GRIK2: variants seen among roughly 807,000 people sequenced by gnomAD.
The protein encoded by GRIK2 is glutamate receptor ionotropic, kainate 2.
Under a neutral mutation model 100.3 loss-of-function variants are expected in GRIK2, and 32 were observed. The ratio of observed to expected loss-of-function variants is 0.32; its 90% CI spans 0.24 to 0.43. The LOEUF (loss-of-function observed/expected upper bound fraction) is 0.43, where lower values mean the gene tolerates loss of function less well. GRIK2 is among the 20% of genes least tolerant of loss of function. The pLI, the probability that GRIK2 is intolerant of heterozygous loss-of-function variation, is 1.00. For synonymous variants in GRIK2, 417 were observed against 389.4 expected (o/e 1.07, Z -0.83); for missense variants, 843 against 1,114.9 (o/e 0.76, Z 3.47).
At position 101,981,974 on chromosome 6, in the gene GRIK2, T is replaced by C. The variant is rs572732637; in HGVS notation, c.2085+53342T>C. 5.9e-5 allele frequency among the ~76,000 whole-genome samples: 9 copies of C among 151,922 alleles called. No individual in the cohort carries two copies. In the South Asian group the frequency reaches 8.3e-4, roughly 14 times the overall value. ...TTAGATGGATGCATAGCTGGTTAGATAGATGGGAGGAAAAATATAGAAAAT... is the reference window on the plus strand; with the variant it reads ...TTAGATGGATGCATAGCTGGTTAGACAGATGGGAGGAAAAATATAGAAAAT... On this transcript the variant is annotated intron_variant, in intron 14 of 16. Transcript: ENST00000369134.
intron 10 of GRIK2, among the ~76,000 whole-genome samples, chr6:101,834,573 A>G (rs139354213): frequency 1.1e-4 from 16 of 152,304 alleles, no homozygotes; most frequent in African/African-American, 3.8e-4. Context: ...ATCAAGCAGA[A>G]CACTCATCGC....
chr6:101,421,660 GT>G (rs35390245), intron 2 of GRIK2, among the ~76,000 whole-genome samples: 5,777 of 151,862 alleles, frequency 0.038, 147 homozygotes, highest in Non-Finnish European at 0.058. Context: ...AAGGAAAGCT[GT>G]TTTTTTTCTC....
chr6:101,835,763 C>G (rs952864078), intron 10 of GRIK2, among the ~76,000 whole-genome samples: 1 of 147,076 alleles, frequency 6.8e-6, no homozygotes, highest in African/African-American at 2.5e-5. Flanking sequence ...TGGCGCCCAG[C>G]CTATGAGTTT....
At chr6:101,732,109 C>A (rs79381768) in intron 7 of GRIK2, among the ~76,000 whole-genome samples, 2,815 of 151,984 alleles carry the variant, frequency 0.019, 80 homozygotes, top group African/African-American at 0.063. Flanking sequence ...CACACACACA[C>A]ACACCTTTTT....
chr6:102,063,452 C>A (rs1182283443), intron 16 of GRIK2, among the ~76,000 whole-genome samples: 1 of 150,516 alleles, frequency 6.6e-6, no homozygotes, highest in East Asian at 1.9e-4. Context: ...GGTTATTTTT[C>A]TTCAGATACT....
intron 4 of GRIK2, among the ~76,000 whole-genome samples, chr6:101,649,676 T>C (rs553378207): frequency 9.2e-5 from 14 of 152,212 alleles, no homozygotes; most frequent in African/African-American, 1.9e-4. Flanking sequence ...CTTGGAGATT[T>C]AAGATTATAG....
At chr6:102,008,852 A>G (rs925385608) in intron 14 of GRIK2, among the ~76,000 whole-genome samples, 3 of 152,092 alleles carry the variant, frequency 2.0e-5, no homozygotes, top group African/African-American at 7.2e-5. Flanking sequence ...TCTCAAGGAA[A>G]AAACTTCAAA....
intron 16 of GRIK2, chr6:102,064,197 GCAAGA>G (rs1485337741): frequency 1.2e-5 from 6 of 480,890 alleles, no homozygotes; most frequent in Admixed American, 8.6e-5. Flanking sequence ...GATTTTAAAA[GCAAGA>G]TAGTTGTCTT....
chr6:101,602,346 A>G (rs894547016), intron 2 of GRIK2, among the ~76,000 whole-genome samples: 40 of 151,408 alleles, frequency 2.6e-4, no homozygotes, highest in African/African-American at 9.7e-4. Context: ...TTTGTGACCA[A>G]GCATGTGTTT....
At chr6:101,651,567 C>T (rs937934738) in intron 4 of GRIK2, among the ~76,000 whole-genome samples, 10 of 152,126 alleles carry the variant, frequency 6.6e-5, no homozygotes, top group African/African-American at 2.4e-4. Flanking sequence ...CAAGAGGAAT[C>T]TGAAGCTTAA....
intron 2 of GRIK2, among the ~76,000 whole-genome samples, chr6:101,514,215 TATATC>T (rs1208623119): frequency 1.3e-5 from 2 of 151,868 alleles, no homozygotes; most frequent in Admixed American, 6.6e-5. Flanking sequence ...CTTTGATTCT[TATATC>T]ATACCCTGCA....
At chr6:101,456,714 G>T (rs574721230) in intron 2 of GRIK2, among the ~76,000 whole-genome samples, 59 of 151,370 alleles carry the variant, frequency 3.9e-4, no homozygotes, top group Non-Finnish European at 7.1e-4. Context: ...GTTTAAAAAA[G>T]AATGTAAGCT....
At chr6:101,628,305 A>G (rs1441694192) in intron 4 of GRIK2, among the ~76,000 whole-genome samples, 2 of 152,108 alleles carry the variant, frequency 1.3e-5, no homozygotes, top group Non-Finnish European at 2.9e-5. Context: ...AACATTTTCA[A>G]TTAGATAAGA....
intron 14 of GRIK2, among the ~76,000 whole-genome samples, chr6:102,004,217 T>C (rs1795091370): frequency 6.6e-6 from 1 of 151,552 alleles, no homozygotes; most frequent in Non-Finnish European, 1.5e-5. Flanking sequence ...AATTTGCTAC[T>C]CTTGTTCAGT....
chr6:101,761,382 G>A (rs911628470), intron 7 of GRIK2, among the ~76,000 whole-genome samples: 1 of 151,964 alleles, frequency 6.6e-6, no homozygotes. Flanking sequence ...GCTATTTTAA[G>A]TTAATACAGG....
intron 7 of GRIK2, among the ~76,000 whole-genome samples, chr6:101,705,891 TA>T (rs1276353670): frequency 1.8e-4 from 27 of 151,816 alleles, no homozygotes; most frequent in Non-Finnish European, 3.8e-4. Flanking sequence ...AGTGCAACAA[TA>T]AAAAAACAAA....
chr6:101,539,758 A>C (rs1376336294), intron 2 of GRIK2, among the ~76,000 whole-genome samples: 3 of 151,758 alleles, frequency 2.0e-5, no homozygotes, highest in Non-Finnish European at 2.9e-5. Flanking sequence ...ATGTTCGTAC[A>C]TGAAAAAAAT....
At chr6:101,844,563 A>G (rs1264569015) in intron 10 of GRIK2, among the ~76,000 whole-genome samples, 1 of 152,226 alleles carries the variant, frequency 6.6e-6, no homozygotes, top group Admixed American at 6.5e-5. Flanking sequence ...CTAGTAAAGA[A>G]CAATCTTAAG....
At chr6:101,804,825 C>A (rs554117047) in intron 9 of GRIK2, among the ~76,000 whole-genome samples, 3 of 151,790 alleles carry the variant, frequency 2.0e-5, no homozygotes, top group Admixed American at 1.3e-4. Context: ...TAAAGGACAG[C>A]GGTAAAGTTT....
Sources: gnomAD v4.1 joint callset for allele counts (sites outside exome capture counted in the v4.1 genomes callset) on GRCh38, gnomAD v4.1.1 for gene constraint, MANE v1.5 for transcripts, NCBI Gene and HGNC (gene_info 2026-07-23, HGNC 2026-07-21) for gene names.